Variants in GOLGA6L2 observed in about 807,000 individuals in gnomAD.
GOLGA6L2 encodes the protein golgin subfamily A member 6-like protein 2.
In GOLGA6L2, 30 loss-of-function variants were observed where a neutral mutation model predicts 35.9. The ratio of observed to expected loss-of-function variants is 0.83; its 90% CI spans 0.62 to 1.13. The LOEUF (loss-of-function observed/expected upper bound fraction) is 1.13, where lower values mean the gene tolerates loss of function less well. Among genes scored for constraint, GOLGA6L2 ranks in the 50% most tolerant of loss-of-function variants. The probability of loss-of-function intolerance (pLI) is 0.00; values close to 1 mark genes in which losing one functional copy is unlikely to be tolerated. For missense variants in GOLGA6L2, 821 were observed against 973.4 expected, an observed-to-expected ratio of 0.84 and a Z score of 2.08; for synonymous variants, 297 against 344.0, an observed-to-expected ratio of 0.86 and a Z score of 1.51.
Position 23,441,417 on chromosome 15 carries a change from T to C in GOLGA6L2, c.1058A>G (p.Gln353Arg), listed in dbSNP as rs2070686992. 2 of 1,431,514 alleles carry C rather than the reference T, an allele frequency of 1.4e-6. No homozygotes were observed. The highest frequency in any genetic ancestry group is 2.3e-5 in the Admixed American group (1 of 44,218). 88.7% of individuals were successfully genotyped at this position (1,431,514 alleles called of 1,614,324 possible). A position where few individuals can be genotyped will look rare whatever the true frequency, so the allele number is the denominator to read the frequency against. ...CTCCTGCTCCCACATCTTCTCCTCC[T>C]GCTCCTGCATCTGCTCCTCCTGCTC... ...LREQEEQMQEQEEKMWEQEEK... is the reference protein window; with the variant it reads ...LREQEEQMQEREEKMWEQEEK... The change falls in exon 8 of 8, where the codon CAG becomes CGG. Residue 353 changes from glutamine (Q) to arginine (R), a missense_variant. Gln to Arg is a conservative substitution (Grantham distance 43). Coordinates refer to ENST00000567107, the MANE Select transcript of GOLGA6L2 (RefSeq NM_001304388.2).
chr15:23,442,757 A>G (rs946462013), intron 5 of GOLGA6L2, among the ~76,000 whole-genome samples: 7 of 151,410 alleles, frequency 4.6e-5, no homozygotes, highest in African/African-American at 1.7e-4. Flanking sequence ...ATCTCGCCCC[A>G]TGACAACCTC....
chr15:23,443,037 A>G (rs1182244717), intron 5 of GOLGA6L2, among the ~76,000 whole-genome samples: 2 of 152,000 alleles, frequency 1.3e-5, no homozygotes, highest in Admixed American at 6.6e-5. Context: ...AATCCTCACA[A>G]CCTCCATAGG....
At chr15:23,444,137 A>G in intron 4 of GOLGA6L2, 25 bp downstream of exon 4, 1 of 1,602,494 alleles carries the variant, frequency 6.2e-7, no homozygotes. Flanking sequence ...AGAGGACAGG[A>G]GGGAACTTCA....
intron 3 of GOLGA6L2, 69 bp from the exon 4 acceptor site, chr15:23,444,281 A>T (rs1041142912): frequency 6.4e-7 from 1 of 1,552,360 alleles, no homozygotes; most frequent in African/African-American, 1.4e-5. Context: ...ACATGCCCCC[A>T]GAATGGCACC....
rs1234718178 is a variant in GOLGA6L2, at chr15:23,443,989, T to C, written c.379A>G (p.Lys127Glu). The C allele has an allele frequency of 6.4e-7, 1 of 1,559,194 alleles. No homozygotes were observed. The highest frequency in any genetic ancestry group is 1.7e-4 in the Middle Eastern group (1 of 6,014). Residue 127 changes from lysine (K) to glutamate (E), a missense_variant, in exon 5 of 8, where the codon AAA becomes GAA. Around this residue, in one of 7 missense-constraint regions of GOLGA6L2, gnomAD observed 614 missense variants for 632.3 expected, o/e 0.97. Coordinates refer to ENST00000567107, the MANE Select transcript of GOLGA6L2 (RefSeq NM_001304388.2). ...ALYYSQDAAR[K>E]FEDGNLGTPS... Reference sequence around the variant, plus strand: ...GTGCCCAGGTTCCCATCTTCAAATTTCCTGGCAGCATCCTGGCTGTAATAG... The same window carrying C: ...GTGCCCAGGTTCCCATCTTCAAATTCCCTGGCAGCATCCTGGCTGTAATAG...
intron 5 of GOLGA6L2, 96 bp from the exon 6 acceptor site, chr15:23,442,604 C>T (rs1010633434): frequency 4.7e-5 from 53 of 1,125,146 alleles, no homozygotes; most frequent in Non-Finnish European, 6.0e-5. Context: ...CAGTAACACT[C>T]CCTCACTCTC....
chr15:23,444,538 C>A (rs770237737), intron 2 of GOLGA6L2, 38 bp from the exon 3 acceptor site: 1 of 1,591,832 alleles, frequency 6.3e-7, no homozygotes, highest in South Asian at 1.1e-5. Flanking sequence ...TGAGGGTGGC[C>A]CCCTGGACTC....
Position 23,447,154 on chromosome 15 carries a change from GGGGAGGGAGGTGGGGTT to G in GOLGA6L2, c.11_27del (p.Gln4ProfsTer15). On this transcript the variant is annotated frameshift_variant, in exon 1 of 8. Transcript: ENST00000567107. LOFTEE classifies it high-confidence loss of function. ...CTGGTTTTTTCTGACATCATGGGGT[GGGGAGGGAGGTGGGGTT>G]GGGGCCACATCAGCGTGATTCAGAC... 6.3e-7 allele frequency: 1 copy of G among 1,597,656 alleles called. No homozygotes were observed. Among genetic ancestry groups the G allele is most frequent in the Non-Finnish European group, 8.6e-7 (1 of 1,169,212 alleles).
Position 23,444,472 on chromosome 15 carries a change from T to A in GOLGA6L2, c.242A>T (p.Glu81Val), listed in dbSNP as rs1312767271. The A allele has an allele frequency of 6.2e-7, 1 of 1,600,396 alleles. No individual in the cohort carries two copies. Among genetic ancestry groups the A allele is most frequent in the South Asian group, 1.1e-5 (1 of 91,046 alleles). ...DTQQNRAQLK[E>V]EKKASHQHQE... ...TCGTGAGCAAACAAATCACGTTACT[T>A]CTTTCAGCTGCGCTCGGTTCTGTTG... Residue 81 changes from glutamate to valine, a missense_variant and splice_region_variant, in exon 3 of 8, where the codon GAA becomes GTA. By Grantham distance (121) the Glu-to-Val change is moderately radical (BLOSUM62 -2). Transcript: ENST00000567107.
At chr15:23,446,857 G>A (rs1886797547) in intron 1 of GOLGA6L2, among the ~76,000 whole-genome samples, 3 of 152,148 alleles carry the variant, frequency 2.0e-5, no homozygotes, top group South Asian at 2.1e-4. Context: ...GGCGGAGTAC[G>A]GAGTGGAGAG....
Position 23,447,140 on chromosome 15 carries a change from T to C in GOLGA6L2, c.42A>G (p.Ser14=). ...QPHLPPHPMM[S]EKTRQNKLAE... Reference sequence around the variant, plus strand: ...CCAATTTGTTCTGTCTGGTTTTTTCTGACATCATGGGGTGGGGAGGGAGGT... The same window carrying C: ...CCAATTTGTTCTGTCTGGTTTTTTCCGACATCATGGGGTGGGGAGGGAGGT... The change falls in exon 1 of 8, where the codon TCA becomes TCG. Residue 14 remains serine (S), a synonymous_variant. Transcript: ENST00000567107. 3 of 1,556,412 alleles carry C rather than the reference T, an allele frequency of 1.9e-6. No homozygotes were observed. Among genetic ancestry groups the C allele is most frequent in the Non-Finnish European group, 2.6e-6 (3 of 1,141,612 alleles).
chr15:23,441,900 C>T, intron 7 of GOLGA6L2, 79 bp downstream of exon 7: 12 of 1,497,210 alleles, frequency 8.0e-6, no homozygotes, highest in Non-Finnish European at 1.1e-5. Context: ...GCTGGACCCT[C>T]CCCATACCTT....
chr15:23,447,016 A>T, intron 1 of GOLGA6L2, 82 bp downstream of exon 1: 1 of 647,022 alleles, frequency 1.5e-6, no homozygotes. Context: ...CTGGAATGGC[A>T]TGGACTCTGG....
chr15:23,440,078 T>G lies in GOLGA6L2; in HGVS notation c.2397A>C (p.Ala799=). The G allele has an allele frequency of 6.9e-5, 62 of 897,964 alleles. No homozygotes were observed. The highest frequency in any genetic ancestry group is 2.2e-4 in the Middle Eastern group (1 of 4,522). 55.6% of individuals were successfully genotyped at this position (897,964 alleles called of 1,614,324 possible). A position where few individuals can be genotyped will look rare whatever the true frequency, so the allele number is the denominator to read the frequency against. The change falls in exon 8 of 8, where the codon GCA becomes GCC. Residue 799 remains alanine, a synonymous_variant. Transcript: ENST00000567107. ...CTCCTGCTCCCGCATCTTCTCCTCCTGCTCCCACATCTTCTCCTCCTGCTC... is the reference window on the plus strand; with the variant it reads ...CTCCTGCTCCCGCATCTTCTCCTCCGGCTCCCACATCTTCTCCTCCTGCTC... ...DAGAGGEDVG[A]GGEDAGAGGE... is the part of the protein sequence containing the mutation.
At position 23,441,528 on chromosome 15, in the gene GOLGA6L2, ATCTTCTCCTCCTGCTCCCG is replaced by A. The variant is rs2070691757; in HGVS notation, c.928_946del (p.Arg310CysfsTer662). On this transcript the variant is annotated frameshift_variant, in exon 8 of 8. Coordinates refer to ENST00000567107, the MANE Select transcript of GOLGA6L2 (RefSeq NM_001304388.2). LOFTEE classifies it low-confidence loss of function (END_TRUNC). ...TCGCAGCCTCTTCTCCTGTCTCCGC[ATCTTCTCCTCCTGCTCCCG>A]CATCTTCCCCTCCTGCTCCCGCAGT... The A allele has an allele frequency of 7.2e-7, 1 of 1,396,574 alleles. No homozygotes were observed. Among genetic ancestry groups the A allele is most frequent in the African/African-American group, 2.0e-5 (1 of 49,852 alleles). 86.5% of individuals were successfully genotyped at this position (1,396,574 alleles called of 1,614,324 possible). A position where few individuals can be genotyped will look rare whatever the true frequency, so the allele number is the denominator to read the frequency against.
At chr15:23,442,276 T>G (rs1303586808) in intron 6 of GOLGA6L2, among the ~76,000 whole-genome samples, 156 bp from the exon 7 acceptor site, 2 of 152,054 alleles carry the variant, frequency 1.3e-5, no homozygotes, top group Non-Finnish European at 2.9e-5. Flanking sequence ...AGAGAAGACA[T>G]GAGTTGCCTG....
rs1479962960 is a variant in GOLGA6L2 at position 23,439,311 on chromosome 15, A to G, written c.*434T>C. Among the ~76,000 whole-genome samples the G allele has an allele frequency of 6.6e-6, 1 of 152,000 alleles. No homozygotes were observed. The highest frequency in any genetic ancestry group is 1.5e-5 in the Non-Finnish European group (1 of 68,008). ...TTTTTAGTAGAGACGGGGTTTCATC[A>G]TGTTGGCCAGGCTGGTCTTGAACTC... On this transcript the variant is annotated 3_prime_UTR_variant, in exon 8 of 8. Transcript: ENST00000567107.
Position 23,441,387 on chromosome 15 carries a change from T to G in GOLGA6L2, c.1088A>C (p.Lys363Thr). ...CATCTTCTCTTCCTGCTCCCGCATC[T>G]TCTCCTCCTGCTCCCACATCTTCTC... ...QEEKMWEQEE[K>T]MREQEEKMWR... Residue 363 changes from lysine to threonine, a missense_variant, in exon 8 of 8, where the codon AAG (lysine) becomes ACG (threonine). Around this residue, in one of 7 missense-constraint regions of GOLGA6L2, gnomAD observed 614 missense variants for 632.3 expected, o/e 0.97. Transcript: ENST00000567107. The G allele has an allele frequency of 6.5e-7, 1 of 1,537,312 alleles. No individual in the cohort carries two copies. Among genetic ancestry groups the G allele is most frequent in the Non-Finnish European group, 8.7e-7 (1 of 1,143,456 alleles).
In GOLGA6L2 at chr15:23,439,249, A is replaced by G. The variant is rs2070619156; in HGVS notation, c.*496T>C. On this transcript the variant is annotated 3_prime_UTR_variant, in exon 8 of 8. Transcript: ENST00000567107. Reference sequence around the variant, plus strand: ...CACTGCAGCCTCCTGAGTAGCTGTGATTACAGGCGTGCACAACCACGCCCG... The same window carrying G: ...CACTGCAGCCTCCTGAGTAGCTGTGGTTACAGGCGTGCACAACCACGCCCG... Among the ~76,000 whole-genome samples, 2 of 142,970 alleles carry G rather than the reference A, an allele frequency of 1.4e-5. No homozygotes were observed. The highest frequency in any genetic ancestry group is 3.0e-5 in the Non-Finnish European group (2 of 66,882). 93.8% of individuals were successfully genotyped at this position (142,970 alleles called of 152,430 possible).
Sources: gnomAD v4.1 joint callset for allele counts (sites outside exome capture counted in the v4.1 genomes callset) on GRCh38, gnomAD v4.1.1 for gene constraint, gnomAD v4.1.1 regional missense constraint, MANE v1.5 for transcripts, NCBI Gene and HGNC (gene_info 2026-07-23, HGNC 2026-07-21) for gene names.